The following CIAO3 variants were observed in gnomAD, a reference collection of about 807,000 sequenced individuals.
CIAO3 encodes the protein LET1 like/JFP15.
Under a neutral mutation model 51.5 loss-of-function variants are expected in CIAO3, and 45 were observed. The observed-to-expected ratio is 0.87, with a 90% CI of 0.69 to 1.12. The LOEUF is 1.12. Among genes scored for constraint, CIAO3 ranks in the 50% most tolerant of loss-of-function variants. The pLI is 0.00. For missense variants in CIAO3, 668 were observed against 632.5 expected (o/e 1.06, Z -0.60); for synonymous variants, 314 against 269.3 (o/e 1.17, Z -1.63).
chr16:733,117 C>G, intron 7 of CIAO3, 181 bp downstream of exon 7: 1 of 718,038 alleles, frequency 1.4e-6, no homozygotes, highest in Non-Finnish European at 2.2e-6. Context: ...CAAGACAGGC[C>G]AGCTGCAAAT....
In CIAO3 at chr16:733,287, C is replaced by T. The variant is rs375175458; in HGVS notation, c.823+11G>A. 19 of 1,612,688 alleles carry T rather than the reference C, an allele frequency of 1.2e-5. No homozygotes were observed. The African/African-American group carries it at 1.7e-4, about 15-fold the overall frequency. ...GGCTTGAGGGCTCAGGGCCGCACGG[C>T]GTGACCGCACCTGTTGTGAGGACAC... On this transcript the variant is annotated intron_variant, in intron 7 of 10. Transcript: ENST00000251588.
intron 2 of CIAO3, chr16:739,365 A>G: frequency 2.0e-6 from 1 of 505,138 alleles, no homozygotes; most frequent in South Asian, 2.1e-5. Flanking sequence ...ACATGGTTAG[A>G]ACTAGGGGGA....
In CIAO3 at chr16:730,549, C is replaced by A. The variant is rs1325012199; in HGVS notation, c.1299G>T (p.Glu433Asp). The change falls in exon 11 of 11, where the codon GAG becomes GAT. Residue 433 changes from glutamate to aspartate, a missense_variant. By Grantham distance (45) the Glu-to-Asp change is conservative. Transcript: ENST00000251588. Reference sequence around the variant, plus strand: ...ACAGCTCCTGAACCCCAGGCGCGTCCTCGGGCGCCTCAGCCCGGACCATGC... The same window carrying A: ...ACAGCTCCTGAACCCCAGGCGCGTCATCGGGCGCCTCAGCCCGGACCATGC... ...LYGMVRAEAP[E>D]DAPGVQELYT... 4 of 1,610,966 alleles carry A rather than the reference C, an allele frequency of 2.5e-6. No individual in the cohort carries two copies. Among genetic ancestry groups the A allele is most frequent in the Non-Finnish European group, 3.4e-6 (4 of 1,179,986 alleles).
At chr16:735,157 C>G in intron 4 of CIAO3, 1 of 397,614 alleles carries the variant, frequency 2.5e-6, no homozygotes, top group Non-Finnish European at 4.5e-6. Context: ...CTCCACCCTC[C>G]CAGCTCTTCA....
rs1347275217 is a variant in CIAO3, at chr16:734,281, G to T, written c.641C>A (p.Ser214Tyr). 2 of 1,612,014 alleles carry T rather than the reference G, an allele frequency of 1.2e-6. No individual in the cohort carries two copies. Among genetic ancestry groups the T allele is most frequent in the Non-Finnish European group, 1.7e-6 (2 of 1,179,940 alleles). Reference sequence around the variant, plus strand: ...CAGGGAGCCCATGACCTGCTGCGGGGACCGGGCGGTGCTGATGTGGGGGAG... The same window carrying T: ...CAGGGAGCCCATGACCTGCTGCGGGTACCGGGCGGTGCTGATGTGGGGGAG... ...FILPHISTAR[S>Y]PQQVMGSLVK... The change falls in exon 6 of 11, where the codon TCC becomes TAC. Residue 214 changes from serine (S) to tyrosine (Y), a missense_variant. Physicochemically the swap from Ser to Tyr is moderately radical, Grantham distance 144. Transcript: ENST00000251588.
Position 729,852 on chromosome 16 carries a change from C to T in CIAO3, c.*565G>A. On this transcript the variant is annotated 3_prime_UTR_variant, in exon 11 of 11. Transcript: ENST00000251588. ...TGGGGGATGATGCAGCCCGCGATGG[C>T]TGCTGCTTCGTACTTGGCTTGCCCC... is the stretch of plus-strand genomic sequence containing the variant. 1.8e-6 allele frequency: 1 copy of T among 564,420 alleles called. No individual in the cohort carries two copies. The highest frequency in any genetic ancestry group is 6.2e-5 in the East Asian group (1 of 16,184). 35.0% of individuals were successfully genotyped at this position (564,420 alleles called of 1,614,324 possible).
Position 734,245 on chromosome 16 carries a change from A to G in CIAO3, c.677T>C (p.Phe226Ser). 2 of 1,611,802 alleles carry G rather than the reference A, an allele frequency of 1.2e-6. No homozygotes were observed. The highest frequency in any genetic ancestry group is 1.7e-6 in the Non-Finnish European group (2 of 1,179,876). Residue 226 changes from phenylalanine to serine, a missense_variant, in exon 6 of 11, where the codon TTC (phenylalanine) becomes TCC (serine). Coordinates refer to ENST00000251588, the MANE Select transcript of CIAO3 (RefSeq NM_022493.3). ...QQVMGSLVKD[F>S]FAQQQHLTPD... ...CGCCGTTACCTGCTGCTGGGCGAAG[A>G]AGTCCTTGACCAGGGAGCCCATGAC...
intron 4 of CIAO3, 52 bp downstream of exon 4, chr16:736,214 C>T: frequency 6.2e-7 from 1 of 1,608,766 alleles, no homozygotes. Context: ...TGGGCTTACT[C>T]AGACGCCCCC....
intron 3 of CIAO3, 49 bp from the exon 4 acceptor site, chr16:736,447 T>C: frequency 6.2e-7 from 1 of 1,608,176 alleles, no homozygotes; most frequent in Non-Finnish European, 8.5e-7. Flanking sequence ...CTTATGCTGA[T>C]TCCTGGTGGC....
At chr16:739,302 C>CAAAA (rs2151604685) in intron 2 of CIAO3, 3 of 229,280 alleles carry the variant, frequency 1.3e-5, no homozygotes, top group South Asian at 1.1e-4. Context: ...CTGTATCAAA[C>CAAAA]AAACAAACAA....
At chr16:740,771 C>T (rs1302425610) in intron 1 of CIAO3, 149 bp downstream of exon 1, 41 of 730,230 alleles carry the variant, frequency 5.6e-5, no homozygotes, top group Middle Eastern at 3.7e-4. Context: ...GGCCCCGCGC[C>T]CGGGTCGATA....
In CIAO3 at chr16:730,137, G is replaced by C; in HGVS notation, c.*280C>G. 1 of 540,502 alleles carries C rather than the reference G, an allele frequency of 1.9e-6. No individual in the cohort carries two copies. Among genetic ancestry groups the C allele is most frequent in the Non-Finnish European group, 3.3e-6 (1 of 301,944 alleles). 33.5% of individuals were successfully genotyped at this position (540,502 alleles called of 1,614,324 possible). On this transcript the variant is annotated 3_prime_UTR_variant, in exon 11 of 11. Coordinates refer to ENST00000251588, the MANE Select transcript of CIAO3 (RefSeq NM_022493.3). The stretch of plus-strand genomic sequence containing the variant: ...AGCAGCAGCAAGGGCAGCACCTGTG[G>C]GCCTCGGCCCAGGGCCAACGGAACA...
chr16:740,832 A>T, intron 1 of CIAO3, 88 bp downstream of exon 1: 1 of 1,297,004 alleles, frequency 7.7e-7, no homozygotes, highest in Non-Finnish European at 1.1e-6. Flanking sequence ...CTCATTCCTC[A>T]GGGGAGGAAG....
intron 4 of CIAO3, 103 bp from the exon 5 acceptor site, chr16:734,974 C>T: frequency 2.1e-6 from 3 of 1,401,704 alleles, no homozygotes; most frequent in Admixed American, 2.9e-5. Flanking sequence ...ACGTGTGTCG[C>T]ACCTGCTTGC....
At position 729,996 on chromosome 16, in the gene CIAO3, C is replaced by T; in HGVS notation, c.*421G>A. 1 of 342,778 alleles carries T rather than the reference C, an allele frequency of 2.9e-6. No homozygotes were observed. Among genetic ancestry groups the T allele is most frequent in the South Asian group, 2.6e-5 (1 of 37,902 alleles). The allele number at this position is 342,778 out of a possible 1,614,324, so 21.2% of individuals were successfully genotyped here. A position where few individuals can be genotyped will look rare whatever the true frequency, so the allele number is the denominator to read the frequency against. Reference sequence around the variant, plus strand: ...CTGCAGGTCCAGCTCTGTCTCCCACCTTTTGCACAGAGCTTCAAGGGAAGC... The same window carrying T: ...CTGCAGGTCCAGCTCTGTCTCCCACTTTTTGCACAGAGCTTCAAGGGAAGC... On this transcript the variant is annotated 3_prime_UTR_variant, in exon 11 of 11. Coordinates refer to ENST00000251588, the MANE Select transcript of CIAO3 (RefSeq NM_022493.3).
intron 6 of CIAO3, chr16:734,021 G>C: frequency 1.8e-6 from 1 of 556,396 alleles, no homozygotes; most frequent in South Asian, 2.0e-5. Flanking sequence ...GCCTCTGGGT[G>C]AGCAGTGAGC....
intron 5 of CIAO3, 100 bp from the exon 6 acceptor site, chr16:734,447 G>A (rs1397373989): frequency 7.7e-6 from 7 of 906,696 alleles, no homozygotes; most frequent in Non-Finnish European, 1.2e-5. Context: ...CGCTCATACA[G>A]GAGATCATGA....
At position 737,770 on chromosome 16, in the gene CIAO3, G is replaced by C. The variant is rs2041354460; in HGVS notation, c.163-441C>G. On this transcript the variant is annotated intron_variant, in intron 2 of 10. Coordinates refer to ENST00000251588, the MANE Select transcript of CIAO3 (RefSeq NM_022493.3). The surrounding 1 kb of genome is among the most constrained non-coding windows in gnomAD (Gnocchi z 5.3). Reference sequence around the variant, plus strand: ...GCACAGGAAGAGGAGAGCAGAGGGAGGAAGCCTGGGAGCCTGGCCTCCGGT... The same window carrying C: ...GCACAGGAAGAGGAGAGCAGAGGGACGAAGCCTGGGAGCCTGGCCTCCGGT... 8.2e-7 allele frequency: 1 copy of C among 1,226,828 alleles called. No individual in the cohort carries two copies. The highest frequency in any genetic ancestry group is 2.9e-5 in the Admixed American group (1 of 33,912). The allele number at this position is 1,226,828 out of a possible 1,614,324, so 76.0% of individuals were successfully genotyped here.
chr16:740,140 A>G, intron 1 of CIAO3: 1 of 1,291,708 alleles, frequency 7.7e-7, no homozygotes, highest in Middle Eastern at 2.1e-4. Flanking sequence ...TGCCCGGGAA[A>G]CAAGTGGATT....
Sources: gnomAD v4.1 joint callset for allele counts on GRCh38, gnomAD v4.1.1 for gene constraint, Gnocchi (gnomAD v3.1) non-coding constraint, MANE v1.5 for transcripts, NCBI Gene and HGNC (gene_info 2026-07-23, HGNC 2026-07-21) for gene names.